PTCHD4: variants seen among roughly 807,000 people sequenced by gnomAD.
The protein encoded by PTCHD4 is patched domain containing 4, also known as patched domain-containing protein 4.
Under a neutral mutation model 58.1 loss-of-function variants are expected in PTCHD4, and 33 were observed. The ratio of observed to expected loss-of-function variants is 0.57; its 90% confidence interval spans 0.43 to 0.76. The LOEUF is 0.76. PTCHD4 is among the 30% of genes least tolerant of loss of function. The pLI is 0.00. For synonymous variants in PTCHD4, 478 were observed against 409.6 expected (o/e 1.17, Z -2.02); for missense variants, 1,058 against 1,027.1 (o/e 1.03, Z -0.41).
chr6:48,047,733 C>A (rs529548390), intron 3 of PTCHD4, among the ~76,000 whole-genome samples: 145 of 151,856 alleles, frequency 9.5e-4, no homozygotes, highest in Non-Finnish European at 1.9e-3. Context: ...GGCTCCCTTG[C>A]CCCTTCTATC....
intron 4 of PTCHD4, among the ~76,000 whole-genome samples, chr6:47,917,191 T>A (rs1054792687): frequency 4.6e-5 from 7 of 151,988 alleles, no homozygotes; most frequent in Non-Finnish European, 5.9e-5. Flanking sequence ...AATTTATATA[T>A]TTTTTTCAAT....
At chr6:47,928,864 G>A (rs182784252) in intron 4 of PTCHD4, among the ~76,000 whole-genome samples, 1 of 152,250 alleles carries the variant, frequency 6.6e-6, no homozygotes, top group East Asian at 1.9e-4. Context: ...ATAATAATAT[G>A]CAATGTACTA....
At chr6:48,105,525 T>C (rs1406489481) in intron 1 of PTCHD4, among the ~76,000 whole-genome samples, 1 of 151,782 alleles carries the variant, frequency 6.6e-6, no homozygotes, top group East Asian at 1.9e-4. Flanking sequence ...CACCCTAACA[T>C]CACAATTAAA....
At chr6:47,941,780 C>A (rs1766235359) in intron 4 of PTCHD4, among the ~76,000 whole-genome samples, 1 of 152,098 alleles carries the variant, frequency 6.6e-6, no homozygotes, top group South Asian at 2.1e-4. Context: ...TTGTAAAATG[C>A]ATAGAATAGA....
chr6:48,001,789 C>G, intron 4 of PTCHD4, among the ~76,000 whole-genome samples: 1 of 152,170 alleles, frequency 6.6e-6, no homozygotes, highest in African/African-American at 2.4e-5. Context: ...AGCTTCTGCA[C>G]AGCAAAAGAA....
chr6:47,927,317 G>A (rs1373839135), intron 4 of PTCHD4, among the ~76,000 whole-genome samples: 1 of 152,188 alleles, frequency 6.6e-6, no homozygotes, highest in Non-Finnish European at 1.5e-5. Flanking sequence ...TAGTAGGGAT[G>A]AACATGTTGC....
chr6:48,077,238 G>A (rs114752072), intron 1 of PTCHD4, among the ~76,000 whole-genome samples: 1,959 of 152,304 alleles, frequency 0.013, 37 homozygotes, highest in African/African-American at 0.043. Flanking sequence ...AGGGCCCTAG[G>A]ATTTTGGGAA....
At chr6:48,107,274 C>T (rs1765751662) in intron 1 of PTCHD4, among the ~76,000 whole-genome samples, 1 of 152,102 alleles carries the variant, frequency 6.6e-6, no homozygotes. Flanking sequence ...TGGAACAGAA[C>T]AGAGCCCTCA....
chr6:48,054,664 G>A (rs556224422), intron 3 of PTCHD4, among the ~76,000 whole-genome samples: 30 of 152,150 alleles, frequency 2.0e-4, no homozygotes, highest in African/African-American at 7.0e-4. Flanking sequence ...GCTACTTGGT[G>A]AACTTTTGTG....
At chr6:47,901,580 C>T (rs944546243) in intron 4 of PTCHD4, 1 of 1,046,624 alleles carries the variant, frequency 9.6e-7, no homozygotes, top group Middle Eastern at 4.7e-4. Flanking sequence ...ATGATTTAAA[C>T]CAATTTAGTT....
intron 1 of PTCHD4, among the ~76,000 whole-genome samples, chr6:48,079,353 C>G (rs936067454): frequency 3.0e-4 from 45 of 152,128 alleles, no homozygotes; most frequent in African/African-American, 1.0e-3. Context: ...TTTTATGAAG[C>G]CTTTTCTTGA....
intron 4 of PTCHD4, among the ~76,000 whole-genome samples, chr6:47,948,190 G>T (rs1172119376): frequency 6.6e-6 from 1 of 152,166 alleles, no homozygotes; most frequent in African/African-American, 2.4e-5. Flanking sequence ...TAGTATTGGG[G>T]CCTCCATTTA....
chr6:47,884,012 G>A (rs752864291), intron 4 of PTCHD4, among the ~76,000 whole-genome samples: 3 of 152,024 alleles, frequency 2.0e-5, no homozygotes, highest in South Asian at 2.1e-4. Context: ...CCAGAATCCC[G>A]TAACACAGAA....
chr6:47,998,779 G>C (rs115644198), intron 4 of PTCHD4, among the ~76,000 whole-genome samples: 363 of 152,258 alleles, frequency 2.4e-3, no homozygotes, highest in African/African-American at 8.3e-3. Flanking sequence ...CAGTTAGTGA[G>C]ACAATGTCTC....
chr6:48,014,093 TAATATAAC>T (rs1162240305), intron 3 of PTCHD4, among the ~76,000 whole-genome samples: 2 of 152,140 alleles, frequency 1.3e-5, no homozygotes, highest in Non-Finnish European at 2.9e-5. Flanking sequence ...ATTTTAAAAT[TAATATAAC>T]AAATAGAAAG....
chr6:47,951,387 C>T (rs1484800468), intron 4 of PTCHD4, among the ~76,000 whole-genome samples: 1 of 152,160 alleles, frequency 6.6e-6, no homozygotes, highest in Non-Finnish European at 1.5e-5. Context: ...TTATCATTCA[C>T]AGAATTATAT....
intron 4 of PTCHD4, among the ~76,000 whole-genome samples, chr6:47,950,673 C>A (rs1766609468): frequency 6.6e-6 from 1 of 152,082 alleles, no homozygotes; most frequent in Admixed American, 6.6e-5. Context: ...GAAATTATAT[C>A]TAGATGAATG....
chr6:47,991,492 C>G (rs531928906), intron 4 of PTCHD4, among the ~76,000 whole-genome samples: 5 of 152,114 alleles, frequency 3.3e-5, no homozygotes, highest in African/African-American at 1.2e-4. Context: ...AGAAAGAAGA[C>G]TGATCCCAGA....
chr6:48,064,990 TA>T (rs963341156), intron 3 of PTCHD4, among the ~76,000 whole-genome samples: 2 of 152,152 alleles, frequency 1.3e-5, no homozygotes, highest in African/African-American at 4.8e-5. Flanking sequence ...ATACCAGTTT[TA>T]TCTAAGCCTC....
Sources: gnomAD v4.1 joint callset for allele counts (sites outside exome capture counted in the v4.1 genomes callset) on GRCh38, gnomAD v4.1.1 for gene constraint, MANE v1.5 for transcripts, NCBI Gene and HGNC (gene_info 2026-07-23, HGNC 2026-07-21) for gene names.